Variants in GOLGA8A observed in about 807,000 individuals in gnomAD.
The protein encoded by GOLGA8A is golgin A8 family member A.
Under a neutral mutation model 22.1 loss-of-function variants are expected in GOLGA8A, and 3 were observed. The observed-to-expected ratio is 0.14, with a 90% CI of 0.06 to 0.35. The LOEUF (loss-of-function observed/expected upper bound fraction) is 0.35. Among genes scored for constraint, GOLGA8A ranks in the 10% least tolerant of loss-of-function variants. The pLI, the probability that GOLGA8A is intolerant of heterozygous loss-of-function variation, is 1.00. For missense variants in GOLGA8A, 16 were observed against 233.2 expected (o/e 0.07, Z 6.07); for synonymous variants, 7 against 91.7 (o/e 0.08, Z 5.28).
chr15:34,437,416 T>C lies in GOLGA8A; in HGVS notation c.-1230A>G, dbSNP rs952409737. ...AGCTTACCTGGCCAGGGCGCGGGGC[T>C]GCCCCGGTCCGCCGCCGTCCTCGCC... On this transcript the variant is annotated 5_prime_UTR_variant, in exon 1 of 25. Coordinates refer to ENST00000359187, the MANE Select transcript of GOLGA8A (RefSeq NM_181077.5). 2.3e-4 allele frequency: 33 copies of C among 140,698 alleles called. 1 individual carries two copies. The highest frequency in any genetic ancestry group is 4.1e-4 in the Non-Finnish European group (26 of 63,654). The allele number at this position is 140,698 out of a possible 1,614,324, so 8.7% of individuals were successfully genotyped here.
intron 2 of GOLGA8A, among the ~76,000 whole-genome samples, chr15:34,432,503 A>G (rs555190343): frequency 6.7e-6 from 1 of 149,022 alleles, no homozygotes; most frequent in Non-Finnish European, 1.5e-5. Context: ...CTCGTTGCAA[A>G]GTTAAGACAA....
Position 34,380,753 on chromosome 15 carries a change from G to C in GOLGA8A, c.*658C>G, listed in dbSNP as rs1891444605. On this transcript the variant is annotated 3_prime_UTR_variant, in exon 25 of 25. Coordinates refer to ENST00000359187, the MANE Select transcript of GOLGA8A (RefSeq NM_181077.5). The stretch of plus-strand genomic sequence containing the variant: ...CACTGTATCCTGCACATACCTGCCA[G>C]AGCAGGCCACTTTCCTCTTCTGTGA... The C allele has an allele frequency of 5.5e-6, 1 of 180,250 alleles. No individual in the cohort carries two copies. The highest frequency in any genetic ancestry group is 2.4e-5 in the African/African-American group (1 of 41,584). The allele number at this position is 180,250 out of a possible 1,614,324, so 11.2% of individuals were successfully genotyped here.
At chr15:34,432,778 A>G (rs1176652396) in intron 2 of GOLGA8A, among the ~76,000 whole-genome samples, 2 of 148,922 alleles carry the variant, frequency 1.3e-5, no homozygotes, top group Admixed American at 6.8e-5. Flanking sequence ...ACCACCTTAC[A>G]TTAAAACAGC....
rs1015357037 is a variant in GOLGA8A at position 34,430,703 on chromosome 15, T to C, written c.-1123+4680A>G. 9.4e-5 allele frequency among the ~76,000 whole-genome samples: 14 copies of C among 149,704 alleles called. 1 individual carries two copies. The highest frequency in any genetic ancestry group is 3.4e-4 in the African/African-American group (14 of 40,674). Reference sequence around the variant, plus strand: ...AACCCTGGTGACTGCACTGACTGCGTGCTTTACTGTAGCAGAACAGTTGCA... The same window carrying C: ...AACCCTGGTGACTGCACTGACTGCGCGCTTTACTGTAGCAGAACAGTTGCA... On this transcript the variant is annotated intron_variant, in intron 2 of 24. Coordinates refer to ENST00000359187, the MANE Select transcript of GOLGA8A (RefSeq NM_181077.5).
At chr15:34,433,860 A>G (rs1893365735) in intron 2 of GOLGA8A, among the ~76,000 whole-genome samples, 1 of 149,610 alleles carries the variant, frequency 6.7e-6, no homozygotes, top group African/African-American at 2.5e-5. Context: ...GGAGAAACAC[A>G]AAGCAAGGTT....
chr15:34,437,348 C>T (rs1245777856), intron 1 of GOLGA8A, 50 bp downstream of exon 1: 2 of 142,444 alleles, frequency 1.4e-5, no homozygotes, highest in Non-Finnish European at 3.1e-5. Context: ...CGCGGGCGGC[C>T]CAAGGCTGCC....
rs182848430 is a variant in GOLGA8A at position 34,429,447 on chromosome 15, G to T, written c.-1123+5936C>A. ...CACACTCCAGGCTGGCCCTTCTGCCGAGAGGGCTCTTCTGGCCTGGGCTCT... is the reference window on the plus strand; with the variant it reads ...CACACTCCAGGCTGGCCCTTCTGCCTAGAGGGCTCTTCTGGCCTGGGCTCT... On this transcript the variant is annotated intron_variant, in intron 2 of 24. Coordinates refer to ENST00000359187, the MANE Select transcript of GOLGA8A (RefSeq NM_181077.5). 3.8e-3 allele frequency among the ~76,000 whole-genome samples: 561 copies of T among 145,900 alleles called. 28 individuals are homozygous for T. Among genetic ancestry groups the T allele is most frequent in the East Asian group, 0.018 (91 of 4,926 alleles).
chr15:34,433,339 C>G (rs571359902), intron 2 of GOLGA8A, among the ~76,000 whole-genome samples: 2 of 149,146 alleles, frequency 1.3e-5, no homozygotes, highest in African/African-American at 2.5e-5. Flanking sequence ...GCATCCACAT[C>G]CGAGGTGACT....
At chr15:34,412,296 G>GT (rs1435748309) in intron 2 of GOLGA8A, among the ~76,000 whole-genome samples, 1 of 105,062 alleles carries the variant, frequency 9.5e-6, no homozygotes, top group Non-Finnish European at 1.9e-5. Context: ...AAATGCTGGG[G>GT]TTACAGGTGT....
At chr15:34,421,680 C>G (rs1487645240) in intron 2 of GOLGA8A, among the ~76,000 whole-genome samples, 1 of 142,964 alleles carries the variant, frequency 7.0e-6, no homozygotes, top group African/African-American at 2.6e-5. Flanking sequence ...AAGCCACTTA[C>G]CCCTTTTTCA....
At chr15:34,418,407 T>A (rs939307930) in intron 2 of GOLGA8A, 1 of 142,374 alleles carries the variant, frequency 7.0e-6, no homozygotes, top group African/African-American at 2.5e-5. Flanking sequence ...ACTGACCAAA[T>A]AGAAGGTATG....
intron 2 of GOLGA8A, among the ~76,000 whole-genome samples, chr15:34,434,006 G>A (rs998803945): frequency 2.0e-5 from 3 of 149,174 alleles, no homozygotes; most frequent in African/African-American, 4.9e-5. Flanking sequence ...AGGCCTGGAG[G>A]CAAGAGTGGC....
rs1426527589 is a variant in GOLGA8A at position 34,432,938 on chromosome 15, T to C, written c.-1123+2445A>G. ...GCTGTCATAAAATATCTCGCATCAG[T>C]TCAATATTGCATCTCGTCTGTGCCT... On this transcript the variant is annotated intron_variant, in intron 2 of 24. Transcript: ENST00000359187. Among the ~76,000 whole-genome samples the C allele has an allele frequency of 1.0e-4, 15 of 148,638 alleles. 2 individuals are homozygous for C. The highest frequency in any genetic ancestry group is 9.6e-4 in the Admixed American group (14 of 14,640).
chr15:34,433,763 G>A lies in GOLGA8A; in HGVS notation c.-1123+1620C>T, dbSNP rs1743603587. Reference sequence around the variant, plus strand: ...TTTTCTAGCTACTGGGGATCCAGAGGTGAACAAAGTCTTTTACAATTGAGT... The same window carrying A: ...TTTTCTAGCTACTGGGGATCCAGAGATGAACAAAGTCTTTTACAATTGAGT... On this transcript the variant is annotated intron_variant, in intron 2 of 24. Transcript: ENST00000359187. Among the ~76,000 whole-genome samples, 3 of 149,704 alleles carry A rather than the reference G, an allele frequency of 2.0e-5. 1 individual carries two copies. Among genetic ancestry groups the A allele is most frequent in the Non-Finnish European group, 4.5e-5 (3 of 67,300 alleles).
chr15:34,421,717 C>G lies in GOLGA8A; in HGVS notation c.-1123+13666G>C, dbSNP rs181761913. Among the ~76,000 whole-genome samples the G allele has an allele frequency of 2.5e-4, 35 of 139,342 alleles. 3 individuals carry two copies. The East Asian group carries it at 7.3e-3, about 29-fold the overall frequency. 91.4% of individuals were successfully genotyped at this position (139,342 alleles called of 152,430 possible). A position where few individuals can be genotyped will look rare whatever the true frequency, so the allele number is the denominator to read the frequency against. On this transcript the variant is annotated intron_variant, in intron 2 of 24. Coordinates refer to ENST00000359187, the MANE Select transcript of GOLGA8A (RefSeq NM_181077.5). ...CACTCGCAATACAAATTTCAGAACC[C>G]ATCCCAAACTGGAAGGAAGGATACG... is the stretch of plus-strand genomic sequence containing the variant.
intron 2 of GOLGA8A, chr15:34,420,062 G>T (rs1228993673): frequency 6.7e-6 from 1 of 149,372 alleles, no homozygotes; most frequent in Non-Finnish European, 1.5e-5. Context: ...TGTATTTAAT[G>T]CCACAGAATC....
chr15:34,421,585 A>G (rs201560734), intron 2 of GOLGA8A, among the ~76,000 whole-genome samples: 1,362 of 133,124 alleles, frequency 0.01, 23 homozygotes, highest in South Asian at 0.028. Flanking sequence ...CCTCAAGAAG[A>G]CTGCATGGGT....
Position 34,432,410 on chromosome 15 carries a change from G to A in GOLGA8A, c.-1123+2973C>T, listed in dbSNP as rs185846906. ...GAACACGGACCTCACACTCTCTCCAGCTCAGACTCAAAGGCCAGCACTGCC... is the reference window on the plus strand; with the variant it reads ...GAACACGGACCTCACACTCTCTCCAACTCAGACTCAAAGGCCAGCACTGCC... On this transcript the variant is annotated intron_variant, in intron 2 of 24. Coordinates refer to ENST00000359187, the MANE Select transcript of GOLGA8A (RefSeq NM_181077.5). 2.4e-3 allele frequency among the ~76,000 whole-genome samples: 352 copies of A among 148,966 alleles called. 25 individuals are homozygous for A. Among genetic ancestry groups the A allele is most frequent in the Non-Finnish European group, 3.9e-3 (264 of 67,084 alleles).
intron 2 of GOLGA8A, among the ~76,000 whole-genome samples, chr15:34,431,339 A>ATCTATCTATC (rs1410030407): frequency 8.2e-5 from 7 of 85,454 alleles, no homozygotes; most frequent in Non-Finnish European, 1.5e-4. Context: ...ATATATATAT[A>ATCTATCTATC]TATATATCTC....
Sources: allele counts gnomAD v4.1 joint callset (sites outside exome capture counted in the v4.1 genomes callset), GRCh38; gene constraint gnomAD v4.1.1; transcripts MANE v1.5; gene names NCBI Gene and HGNC (gene_info 2026-07-23, HGNC 2026-07-21).